Variants in DRP2 observed in about 807,000 individuals in gnomAD.
DRP2 encodes the protein dystrophin-related protein 2.
A neutral mutation model predicts 78.2 loss-of-function variants in DRP2; 29 were observed. The observed-to-expected ratio is 0.37, with a 90% CI of 0.28 to 0.51. The LOEUF (loss-of-function observed/expected upper bound fraction) is 0.51, where lower values mean the gene tolerates loss of function less well. DRP2 is among the 20% of genes least tolerant of loss of function. The pLI, the probability that DRP2 is intolerant of heterozygous loss-of-function variation, is 0.94. For missense variants in DRP2, 686 were observed against 770.6 expected (o/e 0.89, Z 1.30); for synonymous variants, 290 against 281.9 (o/e 1.03, Z -0.29).
rs370917849 is a variant in DRP2 at position 101,237,585 on chromosome X, A to T, written c.282-34A>T. The T allele has an allele frequency of 2.9e-6, 3 of 1,028,680 alleles. No individual in the cohort carries two copies. In the African/African-American group the frequency reaches 5.8e-5, roughly 20 times the overall value. 84.8% of individuals were successfully genotyped at this position (1,028,680 alleles called of 1,213,427 possible). On this transcript the variant is annotated intron_variant, in intron 4 of 23. Coordinates refer to ENST00000395209, the MANE Select transcript of DRP2 (RefSeq NM_001939.3). ...AAATGTTTTGCCACTTAAAAAGAAG[A>T]CTGAACATCACTGGTTTTACTCATT...
intron 3 of DRP2, among the ~76,000 whole-genome samples, chrX:101,232,404 C>T (rs980435661): frequency 8.1e-5 from 9 of 111,138 alleles, no homozygotes; most frequent in African/African-American, 2.0e-4. Flanking sequence ...AGAAGGGAGA[C>T]GCATAAGCAT....
intron 2 of DRP2, among the ~76,000 whole-genome samples, chrX:101,231,307 C>T (rs1922300394): frequency 8.9e-6 from 1 of 112,316 alleles, no homozygotes; most frequent in African/African-American, 3.2e-5. Flanking sequence ...TATCAGCATA[C>T]ATGACTGCCT....
chrX:101,224,207 T>TG (rs1569507520), intron 1 of DRP2, among the ~76,000 whole-genome samples: 9 of 66,356 alleles, frequency 1.4e-4, no homozygotes, highest in African/African-American at 2.9e-4. Flanking sequence ...TTTTTTTTTT[T>TG]TTTTTTTTTT....
rs149294275 is a variant in DRP2, at chrX:101,248,568, G to A, written c.1509G>A (p.Leu503=). 62 of 1,210,774 alleles carry A rather than the reference G, an allele frequency of 5.1e-5. No homozygotes were observed. The highest frequency in any genetic ancestry group is 8.8e-5 in the South Asian group (5 of 56,834). ...ALSFKTGIAC[L]CGTEVKEKLQ... ...CTTTTAAGACTGGCATTGCATGCTTGTGTGGCACGGAAGTGAAGGAAAAAC... is the reference window on the plus strand; with the variant it reads ...CTTTTAAGACTGGCATTGCATGCTTATGTGGCACGGAAGTGAAGGAAAAAC... The change falls in exon 14 of 24, where the codon TTG becomes TTA. Residue 503 remains leucine (L), a synonymous_variant. Transcript: ENST00000395209.
At chrX:101,240,856 A>G (rs1193060282) in intron 6 of DRP2, among the ~76,000 whole-genome samples, 2 of 112,037 alleles carry the variant, frequency 1.8e-5, no homozygotes, top group African/African-American at 6.5e-5. Flanking sequence ...AGAGCAGCAC[A>G]ATTCTAGTTA....
intron 12 of DRP2, 75 bp from the exon 13 acceptor site, chrX:101,248,014 C>T (rs776643998): frequency 3.1e-6 from 3 of 980,269 alleles, no homozygotes; most frequent in Admixed American, 2.3e-5. Flanking sequence ...ATGCTGGTGG[C>T]TTTATCTCCT....
At chrX:101,231,442 A>G (rs1461619698) in intron 2 of DRP2, 143 bp from the exon 3 acceptor site, 26 of 457,218 alleles carry the variant, frequency 5.7e-5, no homozygotes, top group Non-Finnish European at 3.9e-5. Flanking sequence ...TAAATAAAGT[A>G]TTTTATGGTA....
intron 23 of DRP2, 92 bp from the exon 24 acceptor site, chrX:101,260,405 G>T: frequency 4.5e-6 from 5 of 1,103,344 alleles, no homozygotes; most frequent in Non-Finnish European, 6.1e-6. Context: ...CTGCGGGCAG[G>T]TCTGCCCTTC....
rs1211027892 is a variant in DRP2, at chrX:101,242,321, C to T, written c.829-4C>T. ...GCTGTGGCACTTGGGTCCTGGTTCT[C>T]CAGCTGTTCAAAGAAGAATTCTCCC... On this transcript the variant is annotated splice_polypyrimidine_tract_variant and splice_region_variant and intron_variant, in intron 7 of 23. Transcript: ENST00000395209. 1 of 1,208,759 alleles carries T rather than the reference C, an allele frequency of 8.3e-7. No individual in the cohort carries two copies. Among genetic ancestry groups the T allele is most frequent in the South Asian group, 1.8e-5 (1 of 55,951 alleles).
At position 101,242,360 on chromosome X, in the gene DRP2, A is replaced by C. The variant is rs1471455519; in HGVS notation, c.864A>C (p.Gly288=). The C allele has an allele frequency of 1.5e-5, 18 of 1,211,519 alleles. No homozygotes were observed. The highest frequency in any genetic ancestry group is 1.9e-5 in the Non-Finnish European group (17 of 895,469). ...AAGAATTCTCCCCCATGAAAGATGG[A>C]GTAAAGTTGGTGAATGATCTGGCCC... is the stretch of plus-strand genomic sequence containing the variant. ...FKEEFSPMKD[G]VKLVNDLAHQ... is the part of the protein sequence containing the mutation. Residue 288 remains glycine (G), a synonymous_variant, in exon 8 of 24, where the codon GGA becomes GGC. Coordinates refer to ENST00000395209, the MANE Select transcript of DRP2 (RefSeq NM_001939.3).
intron 3 of DRP2, among the ~76,000 whole-genome samples, chrX:101,233,132 G>A (rs1222417640): frequency 1.8e-5 from 2 of 111,781 alleles, no homozygotes; most frequent in East Asian, 2.8e-4. Flanking sequence ...AGAGTATACC[G>A]GGAAGTAGGA....
rs1923651120 is a variant in DRP2 at position 101,263,846 on chromosome X, C to G, written c.*3225C>G. ...CTAGGAGATGTTTTCCCTCCAGATT[C>G]ATTTTAAGGAATATCTGTGCTTCCT... On this transcript the variant is annotated 3_prime_UTR_variant, in exon 24 of 24. Transcript: ENST00000395209. 9.0e-6 allele frequency: 1 copy of G among 111,688 alleles called. No individual in the cohort carries two copies. The highest frequency in any genetic ancestry group is 3.8e-4 in the South Asian group (1 of 2,603). The allele number at this position is 111,688 out of a possible 1,213,427, so 9.2% of individuals were successfully genotyped here.
chrX:101,237,839 G>C (rs1198586284), intron 5 of DRP2, 64 bp downstream of exon 5: 3 of 1,010,970 alleles, frequency 3.0e-6, no homozygotes, highest in East Asian at 3.4e-5. Flanking sequence ...CCCTTCTTCA[G>C]TACCCTGACA....
chrX:101,251,099 C>T lies in DRP2; in HGVS notation c.1865+16C>T. On this transcript the variant is annotated intron_variant, in intron 16 of 23. Transcript: ENST00000395209. ...AGGGGTTCAGGTAGGGAAAACAATA[C>T]CTGCTGGGATGATAATAATAAATAT... is the stretch of plus-strand genomic sequence containing the variant. The T allele has an allele frequency of 8.5e-7, 1 of 1,174,999 alleles. No homozygotes were observed. Among genetic ancestry groups the T allele is most frequent in the Non-Finnish European group, 1.1e-6 (1 of 873,251 alleles).
chrX:101,245,552 A>G, intron 11 of DRP2, 103 bp downstream of exon 11: 1 of 627,162 alleles, frequency 1.6e-6, no homozygotes, highest in Non-Finnish European at 2.4e-6. Context: ...TGGTATATCC[A>G]TGTAATGGAA....
chrX:101,237,530 A>T, intron 4 of DRP2, 89 bp from the exon 5 acceptor site: 1 of 945,879 alleles, frequency 1.1e-6, no homozygotes, highest in Non-Finnish European at 1.4e-6. Flanking sequence ...TTTCTATATT[A>T]AAGTTCCATA....
At chrX:101,225,561 T>A (rs1187803516) in intron 2 of DRP2, among the ~76,000 whole-genome samples, 1 of 111,445 alleles carries the variant, frequency 9.0e-6, no homozygotes, top group Non-Finnish European at 1.9e-5. Context: ...ATTAAATGAG[T>A]TAATGTATGT....
At position 101,231,619 on chromosome X, in the gene DRP2, C is replaced by T; in HGVS notation, c.-29C>T. The T allele has an allele frequency of 8.7e-7, 1 of 1,144,824 alleles. No individual in the cohort carries two copies. The highest frequency in any genetic ancestry group is 1.2e-6 in the Non-Finnish European group (1 of 834,722). The allele number at this position is 1,144,824 out of a possible 1,213,427, so 94.3% of individuals were successfully genotyped here. A position where few individuals can be genotyped will look rare whatever the true frequency, so the allele number is the denominator to read the frequency against. ...GATCAATAGTTGGTGCACTGCCTAT[C>T]CTCATCCCCCCCATGAGCCTTGGTT... is the stretch of plus-strand genomic sequence containing the variant. On this transcript the variant is annotated 5_prime_UTR_variant, in exon 3 of 24. Coordinates refer to ENST00000395209, the MANE Select transcript of DRP2 (RefSeq NM_001939.3).
rs1324252271 is a variant in DRP2 at position 101,260,997 on chromosome X, A to G, written c.*376A>G. 7.4e-6 allele frequency: 1 copy of G among 134,781 alleles called. No individual in the cohort carries two copies. The highest frequency in any genetic ancestry group is 1.5e-5 in the Non-Finnish European group (1 of 68,883). 11.1% of individuals were successfully genotyped at this position (134,781 alleles called of 1,213,427 possible). On this transcript the variant is annotated 3_prime_UTR_variant, in exon 24 of 24. Transcript: ENST00000395209. ...TCTTCCTTCTCCGTGGAATTATGGAAAGAGAGAAGCCTAATTACCCCAAGG... is the reference window on the plus strand; with the variant it reads ...TCTTCCTTCTCCGTGGAATTATGGAGAGAGAGAAGCCTAATTACCCCAAGG...
Sources: gnomAD v4.1 joint callset for allele counts (sites outside exome capture counted in the v4.1 genomes callset) on GRCh38, gnomAD v4.1.1 for gene constraint, MANE v1.5 for transcripts, NCBI Gene and HGNC (gene_info 2026-07-23, HGNC 2026-07-21) for gene names.